RHBDL3: variants seen among roughly 807,000 people sequenced by gnomAD.
RHBDL3 encodes the protein rhomboid like 3.
A neutral mutation model predicts 48.2 loss-of-function variants in RHBDL3; 28 were observed. That is an observed-to-expected ratio of 0.58 (90% CI 0.43 to 0.80). The LOEUF is 0.80. Among genes scored for constraint, RHBDL3 ranks in the 30% least tolerant of loss-of-function variants. The probability of loss-of-function intolerance (pLI) is 0.00; values close to 1 mark genes in which losing one functional copy is unlikely to be tolerated. For synonymous variants in RHBDL3, 208 were observed against 232.3 expected (o/e 0.90, Z 0.95); for missense variants, 464 against 542.7 (o/e 0.85, Z 1.44).
chr17:32,284,491 C>G, intron 2 of RHBDL3, 168 bp from the exon 3 acceptor site: 1 of 610,058 alleles, frequency 1.6e-6, no homozygotes, highest in Non-Finnish European at 2.9e-6. Flanking sequence ...CAGGACATTC[C>G]TATTTAGATG....
At chr17:32,278,987 G>T (rs1410035011) in intron 2 of RHBDL3, among the ~76,000 whole-genome samples, 2 of 151,834 alleles carry the variant, frequency 1.3e-5, no homozygotes, top group African/African-American at 2.4e-5. Context: ...AATTAGCCAG[G>T]TATGGTAGCA....
chr17:32,292,489 C>T (rs536098604), intron 4 of RHBDL3, among the ~76,000 whole-genome samples: 9 of 152,158 alleles, frequency 5.9e-5, no homozygotes, highest in South Asian at 2.1e-4. Flanking sequence ...AAGTGTCCAT[C>T]GGTAGATGAA....
chr17:32,276,978 C>A (rs2039929540), intron 2 of RHBDL3, among the ~76,000 whole-genome samples: 1 of 151,968 alleles, frequency 6.6e-6, no homozygotes, highest in African/African-American at 2.4e-5. Flanking sequence ...GTACTGCAGC[C>A]CTAGCACTGG....
At chr17:32,273,933 A>C (rs970487758) in intron 2 of RHBDL3, among the ~76,000 whole-genome samples, 3 of 152,080 alleles carry the variant, frequency 2.0e-5, no homozygotes, top group African/African-American at 7.2e-5. Flanking sequence ...ACAGGGTTTC[A>C]CCATGTTGGC....
intron 6 of RHBDL3, among the ~76,000 whole-genome samples, chr17:32,299,097 C>T (rs1245241168): frequency 6.7e-6 from 1 of 148,338 alleles, no homozygotes; most frequent in Non-Finnish European, 1.5e-5. Flanking sequence ...TTCAGCTTGA[C>T]AGCTGTGCCC....
intron 8 of RHBDL3, among the ~76,000 whole-genome samples, chr17:32,318,909 C>T (rs963017042): frequency 3.3e-5 from 5 of 152,124 alleles, no homozygotes; most frequent in African/African-American, 7.2e-5. Flanking sequence ...CTGCCCCTGA[C>T]CCTCTGTGGG....
In RHBDL3 at chr17:32,322,496, G is replaced by A. The variant is rs897996743; in HGVS notation, c.*1267G>A. On this transcript the variant is annotated 3_prime_UTR_variant, in exon 9 of 9. Transcript: ENST00000269051. Reference sequence around the variant, plus strand: ...CATCCTATCTCCCTTAGGAGAGAAAGAGCTTTGGGGGCGCAAGAGAGGCTG... The same window carrying A: ...CATCCTATCTCCCTTAGGAGAGAAAAAGCTTTGGGGGCGCAAGAGAGGCTG... 6 of 152,314 alleles carry A rather than the reference G, an allele frequency of 3.9e-5. No individual in the cohort carries two copies. Among genetic ancestry groups the A allele is most frequent in the African/African-American group, 7.2e-5 (3 of 41,476 alleles). 9.4% of individuals were successfully genotyped at this position (152,314 alleles called of 1,614,324 possible).
In RHBDL3 at chr17:32,321,422, T is replaced by TGGCC; in HGVS notation, c.*193_*194insGGCC. ...TTCTGAAAGGCATCTGGCGGAGGAGTTGATGTGGCTGCTGTCGTTTTTCTC... is the reference window on the plus strand; with the variant it reads ...TTCTGAAAGGCATCTGGCGGAGGAGTGGCCTGATGTGGCTGCTGTCGTTTTTCTC... On this transcript the variant is annotated 3_prime_UTR_variant, in exon 9 of 9. Coordinates refer to ENST00000269051, the MANE Select transcript of RHBDL3 (RefSeq NM_138328.3). The TGGCC allele has an allele frequency of 6.7e-7, 1 of 1,490,164 alleles. No individual in the cohort carries two copies. Among genetic ancestry groups the TGGCC allele is most frequent in the East Asian group, 2.5e-5 (1 of 40,374 alleles). The allele number at this position is 1,490,164 out of a possible 1,614,324, so 92.3% of individuals were successfully genotyped here.
At chr17:32,277,465 T>G (rs948341618) in intron 2 of RHBDL3, among the ~76,000 whole-genome samples, 5 of 152,184 alleles carry the variant, frequency 3.3e-5, no homozygotes, top group Non-Finnish European at 5.9e-5. Context: ...CTGTCCTGGG[T>G]GCTGAGCAGG....
chr17:32,297,960 C>T (rs2040491590), intron 5 of RHBDL3, 132 bp from the exon 6 acceptor site: 1 of 665,412 alleles, frequency 1.5e-6, no homozygotes, highest in African/African-American at 1.8e-5. Flanking sequence ...AGACCATGAG[C>T]TCCTCGCAGG....
In RHBDL3 at chr17:32,321,954, C is replaced by T. The variant is rs1003148984; in HGVS notation, c.*725C>T. ...CACCCTGGAGAAGACAGACCCAGGA[C>T]CAGCTTCAGACTTCTCCCTCCCTTT... On this transcript the variant is annotated 3_prime_UTR_variant, in exon 9 of 9. Coordinates refer to ENST00000269051, the MANE Select transcript of RHBDL3 (RefSeq NM_138328.3). 1 of 153,292 alleles carries T rather than the reference C, an allele frequency of 6.5e-6. No individual in the cohort carries two copies. The highest frequency in any genetic ancestry group is 1.5e-5 in the Non-Finnish European group (1 of 68,846). The allele number at this position is 153,292 out of a possible 1,614,324, so 9.5% of individuals were successfully genotyped here.
At chr17:32,305,169 G>A (rs1567783731) in intron 6 of RHBDL3, among the ~76,000 whole-genome samples, 172 bp from the exon 7 acceptor site, 1 of 145,380 alleles carries the variant, frequency 6.9e-6, no homozygotes, top group East Asian at 2.2e-4. Context: ...GAGGGAGGGA[G>A]AGGGAGGGGA....
At chr17:32,269,927 G>C (rs1040786316) in intron 2 of RHBDL3, among the ~76,000 whole-genome samples, 4 of 152,138 alleles carry the variant, frequency 2.6e-5, no homozygotes, top group Non-Finnish European at 5.9e-5. Context: ...ATAGTAGCTA[G>C]TGGTCTATTA....
chr17:32,277,578 A>G lies in RHBDL3; in HGVS notation c.136-7081A>G, dbSNP rs577328262. On this transcript the variant is annotated intron_variant, in intron 2 of 8. Transcript: ENST00000269051. Reference sequence around the variant, plus strand: ...GCCTCTTCTGAGGCCTGGTGTCCCCAGTCAACCCTCAGGCTGGGCCTGGAG... The same window carrying G: ...GCCTCTTCTGAGGCCTGGTGTCCCCGGTCAACCCTCAGGCTGGGCCTGGAG... Among the ~76,000 whole-genome samples the G allele has an allele frequency of 5.9e-5, 9 of 152,338 alleles. No homozygotes were observed. In the South Asian group the frequency reaches 1.9e-3, roughly 32 times the overall value.
chr17:32,293,602 C>G (rs1242734086), intron 4 of RHBDL3, among the ~76,000 whole-genome samples: 1 of 150,496 alleles, frequency 6.6e-6, no homozygotes, highest in Non-Finnish European at 1.5e-5. Context: ...ACCCAAAAAA[C>G]TGATTAAGAT....
At chr17:32,295,949 G>A (rs959435258) in intron 5 of RHBDL3, among the ~76,000 whole-genome samples, 25 of 152,030 alleles carry the variant, frequency 1.6e-4, no homozygotes, top group East Asian at 1.9e-4. Context: ...GGGTCCAGCC[G>A]GGCGCGGTGG....
intron 6 of RHBDL3, among the ~76,000 whole-genome samples, chr17:32,303,480 T>C (rs2040634639): frequency 6.6e-6 from 1 of 152,172 alleles, no homozygotes; most frequent in Non-Finnish European, 1.5e-5. Context: ...TTTCCTGTTA[T>C]ATATGGCTGA....
chr17:32,302,643 A>G (rs944467222), intron 6 of RHBDL3, among the ~76,000 whole-genome samples: 2 of 151,922 alleles, frequency 1.3e-5, no homozygotes, highest in African/African-American at 2.4e-5. Context: ...AGCCTCCCAA[A>G]GTGCTGGGAT....
At chr17:32,269,719 T>G (rs2039726301) in intron 2 of RHBDL3, among the ~76,000 whole-genome samples, 2 of 152,262 alleles carry the variant, frequency 1.3e-5, no homozygotes, top group Non-Finnish European at 2.9e-5. Flanking sequence ...CTGCCAGATT[T>G]AGAATCAGAA....
Sources: gnomAD v4.1 joint callset for allele counts (sites outside exome capture counted in the v4.1 genomes callset) on GRCh38, gnomAD v4.1.1 for gene constraint, MANE v1.5 for transcripts, NCBI Gene and HGNC (gene_info 2026-07-23, HGNC 2026-07-21) for gene names.